TFB2M: variants seen among roughly 807,000 people sequenced by gnomAD.
TFB2M encodes the protein dimethyladenosine transferase 2, mitochondrial.
TFB2M carries 44 observed loss-of-function variants against 41.3 expected under a neutral mutation model. That is an observed-to-expected ratio of 1.07 (90% confidence interval 0.84 to 1.37). The LOEUF (loss-of-function observed/expected upper bound fraction) is 1.37, where lower values mean the gene tolerates loss of function less well. Among genes scored for constraint, TFB2M ranks in the 40% most tolerant of loss-of-function variants. The pLI is 0.00. For missense variants in TFB2M, 496 were observed against 490.2 expected (o/e 1.01, Z -0.11); for synonymous variants, 188 against 176.8 (o/e 1.06, Z -0.50).
chr1:246,542,528 C>T (rs3124111), intron 7 of TFB2M, among the ~76,000 whole-genome samples: 6 of 151,700 alleles, frequency 4.0e-5, no homozygotes, highest in Non-Finnish European at 8.8e-5. Flanking sequence ...AAAAAGTTAG[C>T]TGGGCATAGT....
At chr1:246,553,284 T>C (rs1488652602) in intron 4 of TFB2M, among the ~76,000 whole-genome samples, 1 of 152,078 alleles carries the variant, frequency 6.6e-6, no homozygotes, top group Non-Finnish European at 1.5e-5. Flanking sequence ...CAAAAATCAG[T>C]TGCATTTTTA....
chr1:246,555,386 G>T (rs1659294225), intron 4 of TFB2M, among the ~76,000 whole-genome samples: 1 of 152,146 alleles, frequency 6.6e-6, no homozygotes. Flanking sequence ...CCCAGAGTTG[G>T]AGGCCAGCCT....
At chr1:246,549,745 G>A (rs7517472) in intron 5 of TFB2M, among the ~76,000 whole-genome samples, 110,582 of 152,124 alleles carry the variant, frequency 0.73, 40,659 homozygotes, top group East Asian at 1. Context: ...CTACTGTCAA[G>A]TAACAATTTA....
intron 6 of TFB2M, 39 bp from the exon 7 acceptor site, chr1:246,544,720 TA>T: frequency 6.4e-7 from 1 of 1,555,704 alleles, no homozygotes; most frequent in South Asian, 1.2e-5. Context: ...AGTCACAAAA[TA>T]TTGCCAGAGT....
chr1:246,551,738 G>C (rs1410353405), intron 4 of TFB2M, among the ~76,000 whole-genome samples: 1 of 152,158 alleles, frequency 6.6e-6, no homozygotes, highest in African/African-American at 2.4e-5. Context: ...AAAGGACGAG[G>C]TTACCTCAAC....
At chr1:246,563,433 G>A (rs565076550) in intron 2 of TFB2M, among the ~76,000 whole-genome samples, 1 of 152,132 alleles carries the variant, frequency 6.6e-6, no homozygotes, top group Non-Finnish European at 1.5e-5. Flanking sequence ...GTGAAACCCC[G>A]TCACTACTAA....
At chr1:246,550,946 C>G (rs978649777) in intron 5 of TFB2M, among the ~76,000 whole-genome samples, 1 of 152,138 alleles carries the variant, frequency 6.6e-6, no homozygotes, top group African/African-American at 2.4e-5. Flanking sequence ...TCCCAGTGAT[C>G]TGGGAGGCTA....
chr1:246,554,636 G>A (rs531265435), intron 4 of TFB2M, among the ~76,000 whole-genome samples: 2 of 152,052 alleles, frequency 1.3e-5, no homozygotes, highest in South Asian at 2.1e-4. Flanking sequence ...ATTATGGTGA[G>A]TTGTATAATT....
rs990971032 is a variant in TFB2M at position 246,540,920 on chromosome 1, C to T, written c.*111G>A. On this transcript the variant is annotated 3_prime_UTR_variant, in exon 8 of 8. Coordinates refer to ENST00000366514, the MANE Select transcript of TFB2M (RefSeq NM_022366.3). The stretch of plus-strand genomic sequence containing the variant: ...GGAGAAATGATCTGCCTGGCTTGTG[C>T]AAGACAAGAACAGTTACCTTCTGCT... 3.2e-5 allele frequency: 34 copies of T among 1,061,874 alleles called. No individual in the cohort carries two copies. The highest frequency in any genetic ancestry group is 4.5e-5 in the Non-Finnish European group (33 of 739,728). 65.8% of individuals were successfully genotyped at this position (1,061,874 alleles called of 1,614,324 possible). A position where few individuals can be genotyped will look rare whatever the true frequency, so the allele number is the denominator to read the frequency against.
rs1340718028 is a variant in TFB2M, at chr1:246,564,412, T to C, written c.336A>G (p.Ala112=). The C allele has an allele frequency of 4.3e-6, 7 of 1,614,060 alleles. No individual in the cohort carries two copies. Among genetic ancestry groups the C allele is most frequent in the Non-Finnish European group, 5.9e-6 (7 of 1,180,004 alleles). Residue 112 remains alanine, a synonymous_variant, in exon 2 of 8, where the codon GCA becomes GCG. Coordinates refer to ENST00000366514, the MANE Select transcript of TFB2M (RefSeq NM_022366.3). ...CNPGPGILTQ[A]LLEAGAKVVA... Reference sequence around the variant, plus strand: ...CCACTTTGGCACCAGCTTCAAGTAATGCCTGAGTCAGGATTCCAGGACCTG... The same window carrying C: ...CCACTTTGGCACCAGCTTCAAGTAACGCCTGAGTCAGGATTCCAGGACCTG...
intron 2 of TFB2M, among the ~76,000 whole-genome samples, chr1:246,560,704 A>G (rs1043212148): frequency 6.6e-6 from 1 of 152,248 alleles, no homozygotes; most frequent in Non-Finnish European, 1.5e-5. Context: ...GATCACATTT[A>G]AAAATTCAAC....
In TFB2M at chr1:246,541,166, C is replaced by G; in HGVS notation, c.1056G>C (p.Met352Ile). The G allele has an allele frequency of 6.2e-7, 1 of 1,614,052 alleles. No individual in the cohort carries two copies. Among genetic ancestry groups the G allele is most frequent in the Non-Finnish European group, 8.5e-7 (1 of 1,179,980 alleles). Residue 352 changes from methionine (M) to isoleucine (I), a missense_variant, in exon 8 of 8, where the codon ATG becomes ATC. Transcript: ENST00000366514. The stretch of plus-strand genomic sequence containing the variant: ...TCTCATCCTCCTGTTTTCCTATTTG[C>G]ATCAATATATCTCTCGCATCAAGTG... ...LTPLDARDILMQIGKQEDEKV... is the reference protein window; with the variant it reads ...LTPLDARDILIQIGKQEDEKV...
At chr1:246,554,513 T>C (rs76123035) in intron 4 of TFB2M, among the ~76,000 whole-genome samples, 1 of 30,184 alleles carries the variant, frequency 3.3e-5, no homozygotes, top group Non-Finnish European at 6.6e-5. Context: ...GATCTGGGTT[T>C]TGCAAGGGCC....
chr1:246,549,292 G>C (rs555200138), intron 5 of TFB2M, among the ~76,000 whole-genome samples: 1 of 151,726 alleles, frequency 6.6e-6, no homozygotes. Flanking sequence ...AATTTTAAGA[G>C]ATGATCCGGT....
chr1:246,566,029 G>A lies in TFB2M; in HGVS notation c.110C>T (p.Pro37Leu). ...AGAGAGCCCACAGTGGTTCCTCGCC[G>A]GCAAATGCTTTCGCGTCGCCGCTTC... Reference protein sequence around the residue: ...GSEAATRKHLPARNHCGLSDS... With the variant: ...GSEAATRKHLLARNHCGLSDS... The change falls in exon 1 of 8, where the codon CCG becomes CTG. Residue 37 changes from proline (P) to leucine (L), a missense_variant. Pro to Leu is a moderately conservative substitution (Grantham distance 98). Coordinates refer to ENST00000366514, the MANE Select transcript of TFB2M (RefSeq NM_022366.3). 1 of 1,614,186 alleles carries A rather than the reference G, an allele frequency of 6.2e-7. No homozygotes were observed. The highest frequency in any genetic ancestry group is 2.2e-5 in the East Asian group (1 of 44,880).
At chr1:246,553,929 C>G (rs1010759250) in intron 4 of TFB2M, among the ~76,000 whole-genome samples, 1 of 152,138 alleles carries the variant, frequency 6.6e-6, no homozygotes, top group Non-Finnish European at 1.5e-5. Flanking sequence ...GATGAATCAG[C>G]CCCTGATTTC....
chr1:246,541,156 T>C lies in TFB2M; in HGVS notation c.1066A>G (p.Lys356Glu), dbSNP rs375860037. Residue 356 changes from lysine to glutamate, a missense_variant, in exon 8 of 8, where the codon AAA becomes GAA. By Grantham distance (56) the Lys-to-Glu change is moderately conservative. Transcript: ENST00000366514. ...TTAACTACTTTCTCATCCTCCTGTT[T>C]TCCTATTTGCATCAATATATCTCTC... ...DARDILMQIGKQEDEKVVNMH... is the reference protein window; with the variant it reads ...DARDILMQIGEQEDEKVVNMH... 6.2e-7 allele frequency: 1 copy of C among 1,614,014 alleles called. No individual in the cohort carries two copies. The highest frequency in any genetic ancestry group is 8.5e-7 in the Non-Finnish European group (1 of 1,180,000).
chr1:246,557,429 G>A lies in TFB2M; in HGVS notation c.508C>T (p.Arg170Ter), dbSNP rs745408018. 20 of 1,613,466 alleles carry A rather than the reference G, an allele frequency of 1.2e-5. No individual in the cohort carries two copies. The highest frequency in any genetic ancestry group is 2.7e-5 in the African/African-American group (2 of 74,946). The stretch of plus-strand genomic sequence containing the variant: ...ATTCCCAAATTCTTAAAGAGCCCTC[G>A]AGAAGACATAGCAGGTGGTTTTATT... Reference protein sequence around the residue: ...GVIKPPAMSSRGLFKNLGIEA... With the variant: ...GVIKPPAMSS The change falls in exon 3 of 8, where the codon CGA becomes TGA. Residue 170 changes from arginine (R) to a stop codon, truncating the protein, a stop_gained. Coordinates refer to ENST00000366514, the MANE Select transcript of TFB2M (RefSeq NM_022366.3). LOFTEE classifies it high-confidence loss of function.
intron 2 of TFB2M, among the ~76,000 whole-genome samples, chr1:246,558,392 C>T (rs970767661): frequency 1.3e-5 from 2 of 151,994 alleles, no homozygotes; most frequent in Non-Finnish European, 2.9e-5. Context: ...AGAGATCTGC[C>T]CACCTTGACC....
Sources: gnomAD v4.1 joint callset for allele counts (sites outside exome capture counted in the v4.1 genomes callset) on GRCh38, gnomAD v4.1.1 for gene constraint, MANE v1.5 for transcripts, NCBI Gene and HGNC (gene_info 2026-07-23, HGNC 2026-07-21) for gene names.